UVRAG: variants seen among roughly 807,000 people sequenced by gnomAD.
UVRAG encodes the protein UV radiation resistance-associated gene protein.
A neutral mutation model predicts 78.0 loss-of-function variants in UVRAG; 19 were observed. The ratio of observed to expected loss-of-function variants is 0.24; its 90% confidence interval spans 0.17 to 0.36. UVRAG has a LOEUF of 0.36. Ranked by LOEUF, UVRAG falls within the 10% of genes least tolerant of loss-of-function variation. The pLI is 1.00. For synonymous variants in UVRAG, 323 were observed against 324.6 expected, an observed-to-expected ratio of 1.00 and a Z score of 0.05; for missense variants, 740 against 853.8, an observed-to-expected ratio of 0.87 and a Z score of 1.66.
intron 1 of UVRAG, among the ~76,000 whole-genome samples, chr11:75,840,007 A>G (rs529582443): frequency 1.2e-4 from 19 of 152,078 alleles, no homozygotes; most frequent in African/African-American, 3.6e-4. Context: ...CCTCCCTCCA[A>G]TTATTTTGAA....
At chr11:75,904,053 A>G (rs1213542639) in intron 5 of UVRAG, among the ~76,000 whole-genome samples, 1 of 152,228 alleles carries the variant, frequency 6.6e-6, no homozygotes. Flanking sequence ...GCGACTAAGA[A>G]TGATTTTACA....
At chr11:75,984,659 C>T (rs1336153481) in intron 8 of UVRAG, among the ~76,000 whole-genome samples, 1 of 152,168 alleles carries the variant, frequency 6.6e-6, no homozygotes, top group African/African-American at 2.4e-5. Flanking sequence ...CTTCCATTTA[C>T]CACATCTCCA....
At position 75,824,692 on chromosome 11, in the gene UVRAG, G is replaced by A. The variant is rs1173483765; in HGVS notation, c.117+9168G>A. Among the ~76,000 whole-genome samples, 4 of 33,720 alleles carry A rather than the reference G, an allele frequency of 1.2e-4. No individual in the cohort carries two copies. In the East Asian group the frequency reaches 4.3e-3, roughly 36 times the overall value. 22.1% of individuals were successfully genotyped at this position (33,720 alleles called of 152,430 possible). A position where few individuals can be genotyped will look rare whatever the true frequency, so the allele number is the denominator to read the frequency against. ...TCATTTTTTTTTTTTTTTTTTTTTTGAGGCGGAGTCTCACTCTGTCGCCCA... is the reference window on the plus strand; with the variant it reads ...TCATTTTTTTTTTTTTTTTTTTTTTAAGGCGGAGTCTCACTCTGTCGCCCA... On this transcript the variant is annotated intron_variant, in intron 1 of 14. Transcript: ENST00000356136.
Position 75,882,625 on chromosome 11 carries a change from T to C in UVRAG, c.432+2585T>C, listed in dbSNP as rs565794197. Among the ~76,000 whole-genome samples, 4 of 152,288 alleles carry C rather than the reference T, an allele frequency of 2.6e-5. No homozygotes were observed. The East Asian group carries it at 7.7e-4, about 29-fold the overall frequency. ...TTTTTTACCTGTAGTCACCATGCTG[T>C]AGTCTCGTGAACTTATTCCTCCTAT... On this transcript the variant is annotated intron_variant, in intron 4 of 14. Coordinates refer to ENST00000356136, the MANE Select transcript of UVRAG (RefSeq NM_003369.4).
intron 6 of UVRAG, among the ~76,000 whole-genome samples, chr11:75,926,952 A>G (rs1479441070): frequency 6.6e-6 from 1 of 152,110 alleles, no homozygotes; most frequent in Non-Finnish European, 1.5e-5. Flanking sequence ...CACATGCTTT[A>G]TCTCATTTAA....
intron 4 of UVRAG, among the ~76,000 whole-genome samples, chr11:75,886,366 C>T (rs532184654): frequency 1.3e-5 from 2 of 152,168 alleles, no homozygotes; most frequent in African/African-American, 4.8e-5. Flanking sequence ...TTTAGAAAAG[C>T]ACAGAAAAGA....
chr11:75,946,863 A>C (rs971479381), intron 6 of UVRAG, among the ~76,000 whole-genome samples: 1 of 152,234 alleles, frequency 6.6e-6, no homozygotes, highest in Non-Finnish European at 1.5e-5. Flanking sequence ...TTAGACTGCC[A>C]TAACAAAATA....
chr11:75,910,973 A>T (rs1357730076), intron 5 of UVRAG, among the ~76,000 whole-genome samples: 1 of 152,196 alleles, frequency 6.6e-6, no homozygotes, highest in Non-Finnish European at 1.5e-5. Flanking sequence ...AATATGTTAA[A>T]ATGACTTCTG....
chr11:76,069,754 C>T (rs1313782349), intron 13 of UVRAG, among the ~76,000 whole-genome samples: 4 of 151,958 alleles, frequency 2.6e-5, no homozygotes, highest in African/African-American at 7.3e-5. Context: ...GACATTTGTC[C>T]CTCCAGTGTC....
At chr11:75,869,830 G>A (rs1215362763) in intron 3 of UVRAG, among the ~76,000 whole-genome samples, 1 of 152,170 alleles carries the variant, frequency 6.6e-6, no homozygotes, top group African/African-American at 2.4e-5. Flanking sequence ...GTTTCAGAAA[G>A]TTAGAACACA....
intron 13 of UVRAG, among the ~76,000 whole-genome samples, chr11:76,103,739 A>G (rs947884378): frequency 1.1e-4 from 16 of 152,204 alleles, no homozygotes; most frequent in African/African-American, 3.6e-4. Flanking sequence ...AGCATTCTGG[A>G]AAACTGTGTT....
At chr11:75,946,652 G>A (rs191428303) in intron 6 of UVRAG, among the ~76,000 whole-genome samples, 55 of 152,264 alleles carry the variant, frequency 3.6e-4, no homozygotes, top group Non-Finnish European at 5.1e-4. Flanking sequence ...CTTCCTTGTG[G>A]TTTATAGGAC....
intron 13 of UVRAG, among the ~76,000 whole-genome samples, chr11:76,082,920 A>G (rs1412147134): frequency 6.6e-6 from 1 of 151,970 alleles, no homozygotes; most frequent in Non-Finnish European, 1.5e-5. Context: ...TCTAGTCCCA[A>G]TTACTTAGGA....
intron 8 of UVRAG, among the ~76,000 whole-genome samples, chr11:75,996,584 C>T (rs1949712051): frequency 6.6e-6 from 1 of 152,072 alleles, no homozygotes; most frequent in African/African-American, 2.4e-5. Context: ...AAGGTGAGAC[C>T]TTCCAGGTAA....
rs186689546 is a variant in UVRAG at position 75,932,430 on chromosome 11, G to A, written c.593+20391G>A. ...CTCCCGAATAGCTGGGACTACAGGC[G>A]TGCATCACCATGCCCAGCTAATTTT... On this transcript the variant is annotated intron_variant, in intron 6 of 14. Transcript: ENST00000356136. Among the ~76,000 whole-genome samples the A allele has an allele frequency of 5.6e-3, 855 of 152,060 alleles. 6 individuals carry two copies. The highest frequency in any genetic ancestry group is 0.024 in the South Asian group (116 of 4,802).
intron 6 of UVRAG, among the ~76,000 whole-genome samples, chr11:75,949,712 T>TACACAC (rs1216546112): frequency 1.4e-5 from 2 of 145,232 alleles, no homozygotes; most frequent in African/African-American, 5.3e-5. Context: ...TATATATATA[T>TACACAC]ATACACACAC....
chr11:76,087,166 A>G (rs981057581), intron 13 of UVRAG, among the ~76,000 whole-genome samples: 3 of 152,228 alleles, frequency 2.0e-5, no homozygotes, highest in African/African-American at 7.2e-5. Flanking sequence ...ACATGCGCAC[A>G]CACATACATG....
Position 76,115,935 on chromosome 11 carries a change from A to G in UVRAG, c.1317A>G (p.Gln439=), listed in dbSNP as rs1377132946. ...LNKNIAQLRY[Q]HGLGTPDLRQ... is the part of the protein sequence containing the mutation. Reference sequence around the variant, plus strand: ...TTTCACCTTCACAGCTAAGATATCAACATGGACTAGGGACTCCAGACTTGC... The same window carrying G: ...TTTCACCTTCACAGCTAAGATATCAGCATGGACTAGGGACTCCAGACTTGC... The change falls in exon 14 of 15, where the codon CAA becomes CAG. Residue 439 remains glutamine (Q), a synonymous_variant. Transcript: ENST00000356136. 1.9e-6 allele frequency: 3 copies of G among 1,613,932 alleles called. No individual in the cohort carries two copies. The highest frequency in any genetic ancestry group is 2.2e-5 in the East Asian group (1 of 44,882).
At chr11:75,849,371 G>A (rs1486799596) in intron 1 of UVRAG, among the ~76,000 whole-genome samples, 1 of 151,438 alleles carries the variant, frequency 6.6e-6, no homozygotes, top group Non-Finnish European at 1.5e-5. Context: ...CCGGGTGCCT[G>A]TAGTCCCAGC....
Sources: allele counts gnomAD v4.1 joint callset (sites outside exome capture counted in the v4.1 genomes callset), GRCh38; gene constraint gnomAD v4.1.1; transcripts MANE v1.5; gene names NCBI Gene and HGNC (gene_info 2026-07-23, HGNC 2026-07-21).